Variants in RORB observed in about 807,000 individuals in gnomAD.
RORB encodes nuclear receptor ROR-beta.
RORB carries 6 observed loss-of-function variants against 59.1 expected under a neutral mutation model. That is an observed-to-expected ratio of 0.10 (90% confidence interval 0.06 to 0.20). The LOEUF (loss-of-function observed/expected upper bound fraction) is 0.20. Ranked by LOEUF, RORB falls within the 10% of genes least tolerant of loss-of-function variation. The probability of loss-of-function intolerance (pLI) is 1.00; values close to 1 mark genes in which losing one functional copy is unlikely to be tolerated. For synonymous variants in RORB, 215 were observed against 204.5 expected, an observed-to-expected ratio of 1.05 and a Z score of -0.44; for missense variants, 320 against 560.5, an observed-to-expected ratio of 0.57 and a Z score of 4.33.
In RORB at chr9:74,662,147, A is replaced by T. The variant is rs191710787; in HGVS notation, c.760-327A>T. On this transcript the variant is annotated intron_variant, in intron 5 of 9. Coordinates refer to ENST00000376896, the MANE Select transcript of RORB (RefSeq NM_006914.4). ...AGATAGATTTGTTATTTTCTTTACA[A>T]ACTCAGATTTCGTTTAGGTGAGAAG... 8.7e-4 allele frequency among the ~76,000 whole-genome samples: 133 copies of T among 152,250 alleles called. 2 individuals are homozygous for T. Among genetic ancestry groups the T allele is most frequent in the Non-Finnish European group, 1.3e-3 (87 of 68,018 alleles).
chr9:74,674,108 G>A (rs1368768519), intron 9 of RORB, among the ~76,000 whole-genome samples: 1 of 152,120 alleles, frequency 6.6e-6, no homozygotes, highest in African/African-American at 2.4e-5. Flanking sequence ...CCGGACAAAT[G>A]TGCCATCACT....
intron 1 of RORB, among the ~76,000 whole-genome samples, chr9:74,510,997 G>A (rs1044012988): frequency 2.0e-5 from 3 of 152,054 alleles, no homozygotes; most frequent in Non-Finnish European, 4.4e-5. Flanking sequence ...TTCACCTTCT[G>A]GGATCTTTCC....
At position 74,688,912 on chromosome 9, in the gene RORB, G is replaced by A. The variant is rs940123034; in HGVS notation, c.*3294G>A. The A allele has an allele frequency of 1.3e-5, 2 of 152,120 alleles. No homozygotes were observed. The highest frequency in any genetic ancestry group is 6.5e-5 in the Admixed American group (1 of 15,272). The allele number at this position is 152,120 out of a possible 1,614,324, so 9.4% of individuals were successfully genotyped here. A position where few individuals can be genotyped will look rare whatever the true frequency, so the allele number is the denominator to read the frequency against. On this transcript the variant is annotated 3_prime_UTR_variant, in exon 10 of 10. Coordinates refer to ENST00000376896, the MANE Select transcript of RORB (RefSeq NM_006914.4). The stretch of plus-strand genomic sequence containing the variant: ...ACAAGGAAAATACAGAAATCTAACT[G>A]GCATTAGATAAAATGGACAAGGGAG...
At chr9:74,501,199 C>G (rs189802019) in intron 1 of RORB, among the ~76,000 whole-genome samples, 1 of 152,220 alleles carries the variant, frequency 6.6e-6, no homozygotes, top group South Asian at 2.1e-4. Flanking sequence ...GTCGCTGGGG[C>G]GGATTAGAAA....
intron 1 of RORB, 35 bp downstream of exon 1, chr9:74,498,018 T>C: frequency 6.2e-7 from 1 of 1,603,496 alleles, no homozygotes; most frequent in Non-Finnish European, 8.5e-7. Flanking sequence ...GCTCCCCGAG[T>C]CCGGCCAACT....
chr9:74,522,186 A>G (rs1316237266), intron 1 of RORB, among the ~76,000 whole-genome samples: 1 of 151,802 alleles, frequency 6.6e-6, no homozygotes, highest in Non-Finnish European at 1.5e-5. Flanking sequence ...ACTGTATTTT[A>G]GCATGCCTTC....
intron 1 of RORB, among the ~76,000 whole-genome samples, chr9:74,621,239 A>C (rs954142647): frequency 3.3e-5 from 5 of 152,090 alleles, no homozygotes; most frequent in Non-Finnish European, 7.4e-5. Flanking sequence ...CTTCCCTAAC[A>C]ATTCCCTGCC....
intron 1 of RORB, among the ~76,000 whole-genome samples, chr9:74,621,374 C>A (rs1823415064): frequency 6.6e-6 from 1 of 152,174 alleles, no homozygotes; most frequent in African/African-American, 2.4e-5. Context: ...TTGTTTCACT[C>A]AGTAATATCC....
intron 1 of RORB, among the ~76,000 whole-genome samples, chr9:74,622,519 A>ATTTTTTTTTTTTTTTT (rs33946613): frequency 1.3e-5 from 1 of 74,144 alleles, no homozygotes; most frequent in Non-Finnish European, 2.3e-5. Context: ...TACAACCCAG[A>ATTTTTTTTTTTTTTTT]TTTTTTTTTT....
chr9:74,521,347 A>G (rs760071007), intron 1 of RORB, among the ~76,000 whole-genome samples: 7 of 151,810 alleles, frequency 4.6e-5, no homozygotes, highest in Non-Finnish European at 7.4e-5. Context: ...ATAATTAACT[A>G]AAGTGTTTCT....
intron 9 of RORB, among the ~76,000 whole-genome samples, chr9:74,679,078 C>G (rs60042902): frequency 6.7e-6 from 1 of 148,296 alleles, no homozygotes; most frequent in East Asian, 2.0e-4. Flanking sequence ...AACAAAAAAA[C>G]CAACCAAACA....
chr9:74,631,087 C>T (rs1037169227), intron 2 of RORB, among the ~76,000 whole-genome samples: 2 of 152,154 alleles, frequency 1.3e-5, no homozygotes, highest in Non-Finnish European at 2.9e-5. Flanking sequence ...TCATCCTTCC[C>T]GTGGCAAACT....
rs897336736 is a variant in RORB at position 74,692,816 on chromosome 9, T to C, written c.*7198T>C. 13 of 152,214 alleles carry C rather than the reference T, an allele frequency of 8.5e-5. No homozygotes were observed. Among genetic ancestry groups the C allele is most frequent in the Non-Finnish European group, 1.6e-4 (11 of 68,040 alleles). The allele number at this position is 152,214 out of a possible 1,614,324, so 9.4% of individuals were successfully genotyped here. ...CCACAAATAAACCCAGTGACATATATAGTTTTAAAATCTACAATTTTCTGA... is the reference window on the plus strand; with the variant it reads ...CCACAAATAAACCCAGTGACATATACAGTTTTAAAATCTACAATTTTCTGA... On this transcript the variant is annotated 3_prime_UTR_variant, in exon 10 of 10. Coordinates refer to ENST00000376896, the MANE Select transcript of RORB (RefSeq NM_006914.4).
At chr9:74,589,162 G>T (rs540322040) in intron 1 of RORB, among the ~76,000 whole-genome samples, 55 of 152,272 alleles carry the variant, frequency 3.6e-4, no homozygotes, top group African/African-American at 1.3e-3. Context: ...GGAATCATTT[G>T]TCCACAGTCA....
At chr9:74,575,942 G>A (rs779849327) in intron 1 of RORB, among the ~76,000 whole-genome samples, 4 of 151,984 alleles carry the variant, frequency 2.6e-5, no homozygotes, top group South Asian at 2.1e-4. Flanking sequence ...ATATTATCAC[G>A]CAGGATTTCT....
chr9:74,618,052 A>C (rs113417542), intron 1 of RORB, among the ~76,000 whole-genome samples: 2 of 152,182 alleles, frequency 1.3e-5, no homozygotes, highest in African/African-American at 4.8e-5. Context: ...GCAGAAATTG[A>C]CAATATATTT....
rs995764125 is a variant in RORB at position 74,686,713 on chromosome 9, C to T, written c.*1095C>T. On this transcript the variant is annotated 3_prime_UTR_variant, in exon 10 of 10. Transcript: ENST00000376896. Reference sequence around the variant, plus strand: ...GCCATTTCATGTAAACATTTTCTCTCTCACCATGTTTTGGCAAGAAAAGGT... The same window carrying T: ...GCCATTTCATGTAAACATTTTCTCTTTCACCATGTTTTGGCAAGAAAAGGT... The T allele has an allele frequency of 9.2e-5, 14 of 152,558 alleles. No individual in the cohort carries two copies. Among genetic ancestry groups the T allele is most frequent in the African/African-American group, 1.9e-4 (8 of 41,444 alleles). The allele number at this position is 152,558 out of a possible 1,614,324, so 9.5% of individuals were successfully genotyped here. A position where few individuals can be genotyped will look rare whatever the true frequency, so the allele number is the denominator to read the frequency against.
chr9:74,522,336 C>A (rs915318008), intron 1 of RORB, among the ~76,000 whole-genome samples: 1 of 151,666 alleles, frequency 6.6e-6, no homozygotes, highest in Non-Finnish European at 1.5e-5. Flanking sequence ...AGAGATCAAG[C>A]ATTTTTAGAT....
At chr9:74,592,424 C>T (rs1328056830) in intron 1 of RORB, among the ~76,000 whole-genome samples, 3 of 152,162 alleles carry the variant, frequency 2.0e-5, no homozygotes, top group African/African-American at 7.2e-5. Flanking sequence ...ATCGCCATGG[C>T]GTGGCTATAG....
Sources: gnomAD v4.1 joint callset for allele counts (sites outside exome capture counted in the v4.1 genomes callset) on GRCh38, gnomAD v4.1.1 for gene constraint, MANE v1.5 for transcripts, NCBI Gene and HGNC (gene_info 2026-07-23, HGNC 2026-07-21) for gene names.